Variants in SFMBT2 observed in about 807,000 individuals in gnomAD.
SFMBT2 encodes the protein Scm like with four mbt domains 2.
SFMBT2 carries 38 observed loss-of-function variants against 110.1 expected under a neutral mutation model. The ratio of observed to expected loss-of-function variants is 0.35; its 90% CI spans 0.27 to 0.45. SFMBT2 has a LOEUF of 0.45. Among genes scored for constraint, SFMBT2 ranks in the 20% least tolerant of loss-of-function variants. SFMBT2 has a pLI of 1.00. For synonymous variants in SFMBT2, 425 were observed against 425.4 expected, an observed-to-expected ratio of 1.00 and a Z score of 0.01; for missense variants, 1,011 against 1,094.9, an observed-to-expected ratio of 0.92 and a Z score of 1.08.
In SFMBT2 at chr10:7,217,620, C is replaced by T. The variant is rs142775506; in HGVS notation, c.1330+2791G>A. Among the ~76,000 whole-genome samples, 11 of 152,244 alleles carry T rather than the reference C, an allele frequency of 7.2e-5. No individual in the cohort carries two copies. The East Asian group carries it at 2.1e-3, about 29-fold the overall frequency. ...AGAGCTAGGAGAGCATACCGAACTG[C>T]TGGACCAATGTATTTGTCCCATAAA... On this transcript the variant is annotated intron_variant, in intron 11 of 20. Transcript: ENST00000397167.
chr10:7,276,855 A>G (rs117665400), intron 7 of SFMBT2, 37 bp downstream of exon 7: 175 of 846,998 alleles, frequency 2.1e-4, no homozygotes, highest in Non-Finnish European at 3.4e-4. Flanking sequence ...TTTATTCTCA[A>G]AAAGGGTAGA....
chr10:7,341,915 G>T (rs557588457), intron 4 of SFMBT2, among the ~76,000 whole-genome samples: 2 of 152,082 alleles, frequency 1.3e-5, no homozygotes, highest in Non-Finnish European at 2.9e-5. Context: ...CAGAATGGAG[G>T]GGCATTTTGC....
At chr10:7,385,052 C>T (rs556646549) in intron 1 of SFMBT2, among the ~76,000 whole-genome samples, 1 of 152,250 alleles carries the variant, frequency 6.6e-6, no homozygotes, top group Non-Finnish European at 1.5e-5. Flanking sequence ...GTAGCAGGAC[C>T]CCCAGTTCAC....
At position 7,160,364 on chromosome 10, in the gene SFMBT2, T is replaced by G. The variant is rs139940427; in HGVS notation, c.*3406A>C. The G allele has an allele frequency of 6.6e-6, 1 of 152,168 alleles. No individual in the cohort carries two copies. The highest frequency in any genetic ancestry group is 1.5e-5 in the Non-Finnish European group (1 of 68,034). 9.4% of individuals were successfully genotyped at this position (152,168 alleles called of 1,614,324 possible). ...AAGTGAGGAGCTGAAACAAGCTCCA[T>G]GAGTTTAGGGTGAGACTGAGCGATG... On this transcript the variant is annotated 3_prime_UTR_variant, in exon 21 of 21. Coordinates refer to ENST00000397167, the MANE Select transcript of SFMBT2 (RefSeq NM_001387889.1).
chr10:7,385,736 A>C (rs1044608112), intron 1 of SFMBT2, among the ~76,000 whole-genome samples: 1 of 152,218 alleles, frequency 6.6e-6, no homozygotes, highest in Non-Finnish European at 1.5e-5. Context: ...ACAGTGGCTC[A>C]CGCCTGTAAT....
rs369810990 is a variant in SFMBT2 at position 7,194,068 on chromosome 10, T to C, written c.1698+3480A>G. Among the ~76,000 whole-genome samples, 4 of 152,298 alleles carry C rather than the reference T, an allele frequency of 2.6e-5. No individual in the cohort carries two copies. The East Asian group carries it at 5.8e-4, about 22-fold the overall frequency. ...ACTCCACCCTCCATGCAACTGGGCA[T>C]GGGCATCCTGTAAAAGGCCCAGCAT... On this transcript the variant is annotated intron_variant, in intron 15 of 20. Coordinates refer to ENST00000397167, the MANE Select transcript of SFMBT2 (RefSeq NM_001387889.1).
At chr10:7,236,027 C>A (rs745948021) in intron 9 of SFMBT2, among the ~76,000 whole-genome samples, 1 of 152,110 alleles carries the variant, frequency 6.6e-6, no homozygotes, top group African/African-American at 2.4e-5. Flanking sequence ...ATATCTTACA[C>A]AAACTGTTTT....
At chr10:7,382,663 G>T (rs769870334) in intron 1 of SFMBT2, among the ~76,000 whole-genome samples, 1 of 149,842 alleles carries the variant, frequency 6.7e-6, no homozygotes, top group African/African-American at 2.5e-5. Context: ...AGCATCCCAC[G>T]CGCAGGTACT....
chr10:7,182,569 G>T (rs1406955564), intron 16 of SFMBT2, among the ~76,000 whole-genome samples: 1 of 152,038 alleles, frequency 6.6e-6, no homozygotes, highest in Non-Finnish European at 1.5e-5. Flanking sequence ...CCTTGGTAGG[G>T]ACATGGATGA....
chr10:7,268,736 C>T (rs575428020), intron 7 of SFMBT2, among the ~76,000 whole-genome samples: 2 of 152,316 alleles, frequency 1.3e-5, no homozygotes, highest in South Asian at 2.1e-4. Flanking sequence ...GTCTCAAACT[C>T]CTGACCTCAG....
At chr10:7,353,719 G>A (rs1351335900) in intron 4 of SFMBT2, among the ~76,000 whole-genome samples, 4 of 152,028 alleles carry the variant, frequency 2.6e-5, no homozygotes, top group Non-Finnish European at 5.9e-5. Context: ...CTGACATTTG[G>A]AATAAAACTC....
intron 4 of SFMBT2, among the ~76,000 whole-genome samples, chr10:7,366,332 T>A (rs1844897917): frequency 6.6e-6 from 1 of 151,998 alleles, no homozygotes; most frequent in Non-Finnish European, 1.5e-5. Flanking sequence ...TCCAGCCATT[T>A]TATGACCCCC....
chr10:7,392,987 A>C, intron 1 of SFMBT2, among the ~76,000 whole-genome samples: 1 of 9,372 alleles, frequency 1.1e-4, no homozygotes, highest in Non-Finnish European at 2.2e-4. Context: ...GATAGATTAT[A>C]TATATATATA....
At chr10:7,292,891 G>A (rs1453673811) in intron 4 of SFMBT2, among the ~76,000 whole-genome samples, 1 of 152,032 alleles carries the variant, frequency 6.6e-6, no homozygotes, top group African/African-American at 2.4e-5. Context: ...TACTAGGAAG[G>A]CTGAGGCAGG....
At chr10:7,235,527 T>C (rs1043290653) in intron 9 of SFMBT2, among the ~76,000 whole-genome samples, 17 of 138,604 alleles carry the variant, frequency 1.2e-4, no homozygotes, top group African/African-American at 4.4e-4. Flanking sequence ...ACACACTACA[T>C]ACCACACACA....
chr10:7,170,844 C>T lies in SFMBT2; in HGVS notation c.2544+84G>A, dbSNP rs979006830. ...CCGAAGAACCCCCTCGCAGGTGTCA[C>T]GAGGAAGCCGGCTAGGACACGAGGT... is the stretch of plus-strand genomic sequence containing the variant. On this transcript the variant is annotated intron_variant, in intron 20 of 20. Coordinates refer to ENST00000397167, the MANE Select transcript of SFMBT2 (RefSeq NM_001387889.1). This position sits in a 1 kb window ranked among gnomAD's most constrained non-coding sequence, Gnocchi z 4.6. The T allele has an allele frequency of 3.2e-6, 5 of 1,562,782 alleles. No homozygotes were observed. The highest frequency in any genetic ancestry group is 4.4e-6 in the Non-Finnish European group (5 of 1,142,286).
chr10:7,254,261 T>A (rs868812085), intron 7 of SFMBT2, among the ~76,000 whole-genome samples: 4 of 152,056 alleles, frequency 2.6e-5, no homozygotes, highest in Admixed American at 6.6e-5. Context: ...ATTCATCCAA[T>A]AAGCACTGAT....
intron 3 of SFMBT2, chr10:7,368,381 T>C: frequency 1.0e-6 from 1 of 985,340 alleles, no homozygotes. Context: ...TGTTGATATC[T>C]ACCAGCCCTC....
intron 7 of SFMBT2, among the ~76,000 whole-genome samples, chr10:7,255,719 T>C (rs772596008): frequency 5.3e-5 from 8 of 152,188 alleles, no homozygotes; most frequent in Non-Finnish European, 1.0e-4. Context: ...ATCAGCTTTA[T>C]TCCCTCCAGA....
Sources: allele counts gnomAD v4.1 joint callset (sites outside exome capture counted in the v4.1 genomes callset), GRCh38; gene constraint gnomAD v4.1.1; non-coding constraint Gnocchi (gnomAD v3.1); transcripts MANE v1.5; gene names NCBI Gene and HGNC (gene_info 2026-07-23, HGNC 2026-07-21).